The following CNTNAP2 variants were observed in gnomAD, a reference collection of about 807,000 sequenced individuals.
The protein encoded by CNTNAP2 is contactin associated protein 2, also known as contactin-associated protein-like 2.
A neutral mutation model predicts 155.2 loss-of-function variants in CNTNAP2; 98 were observed. That is an observed-to-expected ratio of 0.63 (90% confidence interval 0.54 to 0.75). The LOEUF (loss-of-function observed/expected upper bound fraction) is 0.75, where lower values mean the gene tolerates loss of function less well. Ranked by LOEUF, CNTNAP2 falls within the 30% of genes least tolerant of loss-of-function variation. The pLI is 0.00. For synonymous variants in CNTNAP2, 651 were observed against 631.2 expected (o/e 1.03, Z -0.47); for missense variants, 1,727 against 1,688.1 (o/e 1.02, Z -0.40).
chr7:146,825,847 A>G (rs1412224673), intron 2 of CNTNAP2, among the ~76,000 whole-genome samples: 3 of 152,150 alleles, frequency 2.0e-5, no homozygotes, highest in Admixed American at 1.3e-4. Context: ...GCAATTTTGC[A>G]TCATTGAATG....
intron 8 of CNTNAP2, among the ~76,000 whole-genome samples, chr7:147,198,634 C>T (rs191758771): frequency 1.1e-4 from 16 of 152,258 alleles, no homozygotes; most frequent in Non-Finnish European, 2.2e-4. Context: ...TGTTGTTTAC[C>T]AAACGAACTT....
At chr7:147,142,299 G>A (rs1391091097) in intron 8 of CNTNAP2, among the ~76,000 whole-genome samples, 1 of 152,056 alleles carries the variant, frequency 6.6e-6, no homozygotes, top group Non-Finnish European at 1.5e-5. Context: ...GTTGAATTTT[G>A]TCAAAGGCCT....
intron 3 of CNTNAP2, among the ~76,000 whole-genome samples, 163 bp from the exon 4 acceptor site, chr7:147,043,744 T>A (rs907963911): frequency 6.6e-6 from 1 of 152,218 alleles, no homozygotes; most frequent in Non-Finnish European, 1.5e-5. Context: ...CTGGACCTAT[T>A]TTCACATTAA....
intron 1 of CNTNAP2, among the ~76,000 whole-genome samples, chr7:146,208,386 T>C (rs754790722): frequency 4.6e-5 from 7 of 152,132 alleles, no homozygotes; most frequent in South Asian, 2.1e-4. Flanking sequence ...CAAGAAAAAT[T>C]TCTTTTAAAA....
chr7:148,030,632 A>C (rs1156845823), intron 15 of CNTNAP2, among the ~76,000 whole-genome samples: 3 of 151,740 alleles, frequency 2.0e-5, no homozygotes, highest in African/African-American at 7.3e-5. Context: ...AGTTACAAAA[A>C]ACATGATTGT....
chr7:147,658,139 C>T lies in CNTNAP2; in HGVS notation c.2098+18833C>T. Among the ~76,000 whole-genome samples the T allele has an allele frequency of 1.4e-5, 2 of 142,540 alleles. 1 individual carries two copies. 93.5% of individuals were successfully genotyped at this position (142,540 alleles called of 152,430 possible). On this transcript the variant is annotated intron_variant, in intron 13 of 23. Transcript: ENST00000361727. The stretch of plus-strand genomic sequence containing the variant: ...GGGCGTAGTGGCGGGCGCCTGTGGT[C>T]CCAGCTACTTGGGAGGCTGAGGCAG...
chr7:147,759,628 T>C (rs902543049), intron 13 of CNTNAP2, among the ~76,000 whole-genome samples: 15 of 152,168 alleles, frequency 9.9e-5, no homozygotes, highest in African/African-American at 3.6e-4. Context: ...ATAAAGGCAA[T>C]TCACAAAAAT....
At chr7:146,883,618 C>T (rs1795597263) in intron 3 of CNTNAP2, among the ~76,000 whole-genome samples, 1 of 152,122 alleles carries the variant, frequency 6.6e-6, no homozygotes, top group South Asian at 2.1e-4. Flanking sequence ...CCATTCCTTT[C>T]AAATGCATAA....
At chr7:146,715,021 G>A (rs974795597) in intron 1 of CNTNAP2, among the ~76,000 whole-genome samples, 1 of 152,062 alleles carries the variant, frequency 6.6e-6, no homozygotes, top group Non-Finnish European at 1.5e-5. Flanking sequence ...GCAAGTACAA[G>A]TATTTTTATA....
At position 146,940,728 on chromosome 7, in the gene CNTNAP2, T is replaced by C. The variant is rs191443710; in HGVS notation, c.402+100824T>C. 7.3e-3 allele frequency among the ~76,000 whole-genome samples: 1,042 copies of C among 143,468 alleles called. 9 individuals are homozygous for C. Among genetic ancestry groups the C allele is most frequent in the African/African-American group, 0.026 (976 of 37,960 alleles). 94.1% of individuals were successfully genotyped at this position (143,468 alleles called of 152,430 possible). Reference sequence around the variant, plus strand: ...ACACACACACACACAATATGGTGTGTATATATATACACACACACTGCACTA... The same window carrying C: ...ACACACACACACACAATATGGTGTGCATATATATACACACACACTGCACTA... On this transcript the variant is annotated intron_variant, in intron 3 of 23. Transcript: ENST00000361727.
At chr7:148,359,142 C>T (rs1353962703) in intron 21 of CNTNAP2, among the ~76,000 whole-genome samples, 1 of 152,176 alleles carries the variant, frequency 6.6e-6, no homozygotes, top group Non-Finnish European at 1.5e-5. Context: ...CAATAACATG[C>T]TCTACAGATT....
intron 1 of CNTNAP2, among the ~76,000 whole-genome samples, chr7:146,365,515 T>C (rs1435950940): frequency 6.6e-6 from 1 of 152,224 alleles, no homozygotes; most frequent in Non-Finnish European, 1.5e-5. Flanking sequence ...TTACTTTTCA[T>C]ATCTAAGTGA....
chr7:147,946,245 G>A (rs1317949800), intron 14 of CNTNAP2, among the ~76,000 whole-genome samples: 18 of 152,094 alleles, frequency 1.2e-4, no homozygotes. Flanking sequence ...GTGTGAAAAG[G>A]CTGGGCTTGG....
At chr7:146,472,036 T>C (rs756275841) in intron 1 of CNTNAP2, among the ~76,000 whole-genome samples, 16 of 152,190 alleles carry the variant, frequency 1.1e-4, no homozygotes, top group Non-Finnish European at 2.4e-4. Context: ...ATGGGCATCC[T>C]GGTTTGGAAA....
intron 9 of CNTNAP2, among the ~76,000 whole-genome samples, chr7:147,372,178 C>G (rs1032167749): frequency 1.6e-4 from 24 of 152,100 alleles, no homozygotes; most frequent in Admixed American, 1.6e-3. Flanking sequence ...CATTAATAAA[C>G]AAGCACTCTT....
intron 9 of CNTNAP2, among the ~76,000 whole-genome samples, chr7:147,308,025 A>C (rs1795062627): frequency 6.6e-6 from 1 of 152,178 alleles, no homozygotes. Flanking sequence ...TTAATCAGGG[A>C]GGGGACAGGA....
At chr7:147,034,908 A>T (rs189576686) in intron 3 of CNTNAP2, among the ~76,000 whole-genome samples, 7 of 152,326 alleles carry the variant, frequency 4.6e-5, no homozygotes. Flanking sequence ...GAGTGGTCTT[A>T]GAAAATGCAA....
At chr7:147,243,992 T>A (rs1299259341) in intron 8 of CNTNAP2, among the ~76,000 whole-genome samples, 1 of 152,222 alleles carries the variant, frequency 6.6e-6, no homozygotes, top group Non-Finnish European at 1.5e-5. Flanking sequence ...ATTTCTCCTT[T>A]ACACATAATC....
intron 20 of CNTNAP2, among the ~76,000 whole-genome samples, chr7:148,248,078 T>G (rs1308171888): frequency 6.6e-6 from 1 of 152,154 alleles, no homozygotes; most frequent in Non-Finnish European, 1.5e-5. Flanking sequence ...CACTCAAAAT[T>G]TGGAATATTT....
Sources: gnomAD v4.1 joint callset for allele counts (sites outside exome capture counted in the v4.1 genomes callset) on GRCh38, gnomAD v4.1.1 for gene constraint, MANE v1.5 for transcripts, NCBI Gene and HGNC (gene_info 2026-07-23, HGNC 2026-07-21) for gene names.